NBAS: variants seen among roughly 807,000 people sequenced by gnomAD.
NBAS encodes the protein NAG/BC035112 fusion.
In NBAS, 219 loss-of-function variants were observed where a neutral mutation model predicts 302.5. The ratio of observed to expected loss-of-function variants is 0.72; its 90% CI spans 0.65 to 0.81. The LOEUF (loss-of-function observed/expected upper bound fraction) is 0.81, where lower values mean the gene tolerates loss of function less well. Ranked by LOEUF, NBAS falls within the 30% of genes least tolerant of loss-of-function variation. The probability of loss-of-function intolerance (pLI) is 0.00; values close to 1 mark genes in which losing one functional copy is unlikely to be tolerated. For synonymous variants in NBAS, 1,118 were observed against 1,021.6 expected, an observed-to-expected ratio of 1.09 and a Z score of -1.80; for missense variants, 2,932 against 2,841.6, an observed-to-expected ratio of 1.03 and a Z score of -0.72.
chr2:14,984,308 C>G, the NBAS span, among the ~76,000 whole-genome samples: 2 of 152,132 alleles, frequency 1.3e-5, no homozygotes, highest in Non-Finnish European at 2.9e-5. Flanking sequence ...GGCACTGAGA[C>G]CTTGGCAATT....
chr2:15,256,790 G>A (rs749473672), intron 44 of NBAS, among the ~76,000 whole-genome samples: 24 of 152,004 alleles, frequency 1.6e-4, no homozygotes, highest in Non-Finnish European at 3.2e-4. Context: ...TGTCAAATAC[G>A]TTTTCCTGCA....
intron 34 of NBAS, among the ~76,000 whole-genome samples, chr2:15,353,258 T>C (rs1457589641): frequency 2.6e-5 from 4 of 152,206 alleles, no homozygotes; most frequent in African/African-American, 9.6e-5. Context: ...CCATTTAGCA[T>C]ATGTTTAATT....
intron 35 of NBAS, among the ~76,000 whole-genome samples, chr2:15,338,106 G>C (rs181445780): frequency 6.6e-6 from 1 of 152,260 alleles, no homozygotes; most frequent in East Asian, 1.9e-4. Flanking sequence ...AAGTTCACAA[G>C]AACATGGATA....
At chr2:14,841,048 T>A in the NBAS span, among the ~76,000 whole-genome samples, 2 of 151,964 alleles carry the variant, frequency 1.3e-5, no homozygotes, top group African/African-American at 4.8e-5. Flanking sequence ...GGGATGGAGT[T>A]AAAATACCAA....
the NBAS span, among the ~76,000 whole-genome samples, chr2:15,035,991 T>A: frequency 2.2e-5 from 2 of 92,050 alleles, no homozygotes; most frequent in Non-Finnish European, 4.1e-5. Flanking sequence ...CTAGTGCACA[T>A]GTACCCCAGA....
chr2:15,085,763 C>T, the NBAS span, among the ~76,000 whole-genome samples: 3 of 152,332 alleles, frequency 2.0e-5, no homozygotes, highest in Admixed American at 1.3e-4. Flanking sequence ...CCACTGTGGG[C>T]ACCAGCTCCG....
chr2:14,813,021 G>T, the NBAS span, among the ~76,000 whole-genome samples: 9 of 152,142 alleles, frequency 5.9e-5, no homozygotes. Context: ...AGACGTGCTT[G>T]CCTCCTCTTT....
chr2:15,047,380 GCAGGTGAAGGCTGGACC>G, the NBAS span, among the ~76,000 whole-genome samples: 1 of 151,782 alleles, frequency 6.6e-6, no homozygotes, highest in Non-Finnish European at 1.5e-5. Flanking sequence ...CGGGGCTTAT[GCAGGTGAAGGCTGGACC>G]CCTGCAGGTG....
chr2:15,158,134 C>A, the NBAS span, among the ~76,000 whole-genome samples: 2 of 152,126 alleles, frequency 1.3e-5, no homozygotes, highest in Non-Finnish European at 2.9e-5. Context: ...CAGCTCAAGG[C>A]CTCCTCCAGG....
chr2:15,333,069 C>A (rs182056886), intron 35 of NBAS, among the ~76,000 whole-genome samples: 82 of 152,202 alleles, frequency 5.4e-4, no homozygotes, highest in Non-Finnish European at 1.8e-4. Flanking sequence ...AACTTTTATA[C>A]GAGAGGTATT....
At chr2:15,248,741 T>G (rs1668222043) in intron 44 of NBAS, among the ~76,000 whole-genome samples, 1 of 152,100 alleles carries the variant, frequency 6.6e-6, no homozygotes, top group Admixed American at 6.5e-5. Flanking sequence ...CCTGGACACA[T>G]ACACCCTCCC....
At chr2:15,135,227 T>TG in the NBAS span, among the ~76,000 whole-genome samples, 1 of 152,152 alleles carries the variant, frequency 6.6e-6, no homozygotes, top group Non-Finnish European at 1.5e-5. Flanking sequence ...CAAGGTGGCC[T>TG]GGGGGGAGGC....
At chr2:15,488,303 G>A (rs960515017) in intron 12 of NBAS, among the ~76,000 whole-genome samples, 3 of 152,150 alleles carry the variant, frequency 2.0e-5, no homozygotes, top group African/African-American at 7.2e-5. Context: ...GGCTTTATAT[G>A]AGCAGACCTT....
At chr2:15,525,149 A>G (rs1382089189) in intron 9 of NBAS, among the ~76,000 whole-genome samples, 1 of 152,212 alleles carries the variant, frequency 6.6e-6, no homozygotes. Context: ...CCAGCAATTT[A>G]ATTTTTGAAG....
chr2:15,152,485 G>A, the NBAS span, among the ~76,000 whole-genome samples: 1 of 152,228 alleles, frequency 6.6e-6, no homozygotes, highest in Non-Finnish European at 1.5e-5. Context: ...GTAACAAGTA[G>A]CTGAGTCTCA....
At chr2:14,863,300 TG>T in the NBAS span, among the ~76,000 whole-genome samples, 1 of 152,084 alleles carries the variant, frequency 6.6e-6, no homozygotes, top group Admixed American at 6.5e-5. Context: ...TGGGTGCAAG[TG>T]GGCTGAGTCT....
the NBAS span, among the ~76,000 whole-genome samples, chr2:15,117,014 T>G: frequency 1.3e-5 from 2 of 152,154 alleles, no homozygotes; most frequent in Non-Finnish European, 2.9e-5. Context: ...TATCTGATAG[T>G]AACAATACCC....
At chr2:15,010,075 AC>A in the NBAS span, among the ~76,000 whole-genome samples, 1 of 152,142 alleles carries the variant, frequency 6.6e-6, no homozygotes, top group Non-Finnish European at 1.5e-5. Flanking sequence ...TTTCTTTATT[AC>A]CCTTACAATG....
At chr2:14,973,602 C>A in the NBAS span, among the ~76,000 whole-genome samples, 2 of 152,114 alleles carry the variant, frequency 1.3e-5, no homozygotes, top group Non-Finnish European at 2.9e-5. Context: ...CAGCTTCAAA[C>A]TACAGAACAG....
Sources: allele counts gnomAD v4.1 joint callset (sites outside exome capture counted in the v4.1 genomes callset), GRCh38; gene constraint gnomAD v4.1.1; transcripts MANE v1.5; gene names NCBI Gene and HGNC (gene_info 2026-07-23, HGNC 2026-07-21).